Variants in L3MBTL3 observed in about 807,000 individuals in gnomAD.
L3MBTL3 encodes the protein lethal(3)malignant brain tumor-like protein 3.
L3MBTL3 carries 27 observed loss-of-function variants against 102.3 expected under a neutral mutation model. The observed-to-expected ratio is 0.26, with a 90% CI of 0.19 to 0.36. The LOEUF is 0.36. Ranked by LOEUF, L3MBTL3 falls within the 10% of genes least tolerant of loss-of-function variation. The pLI, the probability that L3MBTL3 is intolerant of heterozygous loss-of-function variation, is 1.00. For missense variants in L3MBTL3, 798 were observed against 955.3 expected (o/e 0.84, Z 2.17); for synonymous variants, 340 against 320.9 (o/e 1.06, Z -0.64).
intron 18 of L3MBTL3, among the ~76,000 whole-genome samples, chr6:130,095,254 G>A (rs922666623): frequency 6.6e-6 from 1 of 152,100 alleles, no homozygotes; most frequent in Non-Finnish European, 1.5e-5. Flanking sequence ...AAATTTTGAA[G>A]ATTACTGTAC....
chr6:130,035,220 A>G (rs371174684), intron 2 of L3MBTL3, among the ~76,000 whole-genome samples: 5 of 152,376 alleles, frequency 3.3e-5, no homozygotes, highest in Admixed American at 2.0e-4. Flanking sequence ...CACCACCATC[A>G]ATATATGAGT....
At chr6:130,020,511 TGAGA>T (rs1778930350) in intron 1 of L3MBTL3, 1 of 151,578 alleles carries the variant, frequency 6.6e-6, no homozygotes. Flanking sequence ...AGCGCGACCG[TGAGA>T]GAAAGTTTAA....
At chr6:130,130,689 C>T (rs1052415147) in intron 20 of L3MBTL3, among the ~76,000 whole-genome samples, 1 of 152,098 alleles carries the variant, frequency 6.6e-6, no homozygotes, top group Non-Finnish European at 1.5e-5. Context: ...AGGACCTGCA[C>T]CTTTGAGGTT....
chr6:130,137,583 C>T (rs1009477288), intron 22 of L3MBTL3: 1 of 151,622 alleles, frequency 6.6e-6, no homozygotes, highest in African/African-American at 2.4e-5. Context: ...CCACTTTTAA[C>T]TTCAAATCCC....
intron 19 of L3MBTL3, among the ~76,000 whole-genome samples, chr6:130,120,041 G>A (rs1349419918): frequency 2.6e-5 from 4 of 152,040 alleles, no homozygotes; most frequent in Admixed American, 2.0e-4. Flanking sequence ...TATTTGTAAC[G>A]GTAACAGCAT....
intron 2 of L3MBTL3, among the ~76,000 whole-genome samples, chr6:130,041,408 C>A (rs553051523): frequency 6.6e-6 from 1 of 152,264 alleles, no homozygotes; most frequent in Non-Finnish European, 1.5e-5. Flanking sequence ...GGAATTCTTT[C>A]TAAGGGGAAA....
At chr6:130,072,988 C>T (rs1250028600) in intron 13 of L3MBTL3, among the ~76,000 whole-genome samples, 1 of 152,176 alleles carries the variant, frequency 6.6e-6, no homozygotes, top group East Asian at 1.9e-4. Flanking sequence ...GTTGTTTGTA[C>T]TGTTGAGTCT....
At chr6:130,024,311 TA>T (rs1392740835) in intron 2 of L3MBTL3, among the ~76,000 whole-genome samples, 3 of 152,106 alleles carry the variant, frequency 2.0e-5, no homozygotes, top group East Asian at 1.9e-4. Flanking sequence ...AAATCTAGAT[TA>T]AAAAAATTGT....
intron 19 of L3MBTL3, among the ~76,000 whole-genome samples, chr6:130,117,642 T>G (rs984325545): frequency 1.3e-5 from 2 of 152,204 alleles, no homozygotes; most frequent in African/African-American, 4.8e-5. Context: ...ATTTGCGTAA[T>G]GAAATTCTAC....
intron 20 of L3MBTL3, among the ~76,000 whole-genome samples, chr6:130,130,152 ACCAC>A (rs66925037): frequency 0.093 from 14,178 of 152,226 alleles, 753 homozygotes; most frequent in African/African-American, 0.12. Flanking sequence ...TGCAGAGGCA[ACCAC>A]AGACATAAGG....
intron 18 of L3MBTL3, among the ~76,000 whole-genome samples, chr6:130,097,802 T>A (rs1784447317): frequency 6.6e-6 from 1 of 152,102 alleles, no homozygotes; most frequent in East Asian, 1.9e-4. Context: ...GCGCAGTGGC[T>A]CATGTCTGTG....
chr6:130,045,425 C>G (rs557398274), intron 3 of L3MBTL3, among the ~76,000 whole-genome samples: 7 of 152,290 alleles, frequency 4.6e-5, no homozygotes, highest in Non-Finnish European at 7.3e-5. Context: ...AGAACGTACT[C>G]TCTGCTGAAC....
rs758374400 is a variant in L3MBTL3 at position 130,051,292 on chromosome 6, A to C, written c.333A>C (p.Pro111=). ...GGATGCCTTTCAGGTTGAAGGATCCAGTGAAAGTAGAAGGGCTTCAGTTCT... is the reference window on the plus strand; with the variant it reads ...GGATGCCTTTCAGGTTGAAGGATCCCGTGAAAGTAGAAGGGCTTCAGTTCT... The part of the protein sequence containing the change: ...KTGMPFRLKD[P]VKVEGLQFCE... The change falls in exon 6 of 23, where the codon CCA becomes CCC. Residue 111 remains proline (P), a synonymous_variant. Transcript: ENST00000361794. 6.2e-7 allele frequency: 1 copy of C among 1,614,040 alleles called. No homozygotes were observed. The highest frequency in any genetic ancestry group is 8.5e-7 in the Non-Finnish European group (1 of 1,179,884).
chr6:130,106,101 T>G (rs145301269), intron 19 of L3MBTL3, among the ~76,000 whole-genome samples: 46 of 152,038 alleles, frequency 3.0e-4, no homozygotes, highest in African/African-American at 9.9e-4. Flanking sequence ...TGCACATATT[T>G]CATGTCTAAA....
At chr6:130,035,980 TTGTGTGTGTGTGTG>T (rs71709041) in intron 2 of L3MBTL3, among the ~76,000 whole-genome samples, 4,094 of 149,296 alleles carry the variant, frequency 0.027, 82 homozygotes, top group Middle Eastern at 0.066. Flanking sequence ...CCTACCTGTT[TTGTGTGTGTGTGTG>T]TGTGTGTGTG....
chr6:130,043,869 C>A (rs1780577069), intron 3 of L3MBTL3, among the ~76,000 whole-genome samples: 1 of 152,084 alleles, frequency 6.6e-6, no homozygotes, highest in Non-Finnish European at 1.5e-5. Flanking sequence ...TGTAATGTGC[C>A]AACACCTCTG....
intron 10 of L3MBTL3, among the ~76,000 whole-genome samples, chr6:130,060,924 C>G (rs1781853338): frequency 6.6e-6 from 1 of 151,920 alleles, no homozygotes; most frequent in Admixed American, 6.6e-5. Context: ...AGGTATTATA[C>G]TATTCTTTAA....
intron 19 of L3MBTL3, among the ~76,000 whole-genome samples, chr6:130,115,312 C>T (rs1785595777): frequency 6.6e-6 from 1 of 152,176 alleles, no homozygotes; most frequent in Admixed American, 6.5e-5. Context: ...GCTGGGCCAG[C>T]AATAACTGTC....
At position 130,055,265 on chromosome 6, in the gene L3MBTL3, T is replaced by G; in HGVS notation, c.667+10T>G. On this transcript the variant is annotated intron_variant, in intron 8 of 22. Coordinates refer to ENST00000361794, the MANE Select transcript of L3MBTL3 (RefSeq NM_032438.4). ...GCTGTACTAAAGCAGGGTGAGCTGATGAAAATAAAGTCTTACTTGTAACTT... is the reference window on the plus strand; with the variant it reads ...GCTGTACTAAAGCAGGGTGAGCTGAGGAAAATAAAGTCTTACTTGTAACTT... 1 of 1,603,092 alleles carries G rather than the reference T, an allele frequency of 6.2e-7. No homozygotes were observed. Among genetic ancestry groups the G allele is most frequent in the Non-Finnish European group, 8.5e-7 (1 of 1,174,056 alleles).
Sources: allele counts gnomAD v4.1 joint callset (sites outside exome capture counted in the v4.1 genomes callset), GRCh38; gene constraint gnomAD v4.1.1; transcripts MANE v1.5; gene names NCBI Gene and HGNC (gene_info 2026-07-23, HGNC 2026-07-21).